GRIP1: variants seen among roughly 807,000 people sequenced by gnomAD.
GRIP1 encodes glutamate receptor-interacting protein 1.
In GRIP1, 45 loss-of-function variants were observed where a neutral mutation model predicts 129.9. The observed-to-expected ratio is 0.35, with a 90% confidence interval of 0.27 to 0.44. The LOEUF (loss-of-function observed/expected upper bound fraction) is 0.44. Among genes scored for constraint, GRIP1 ranks in the 20% least tolerant of loss-of-function variants. The pLI, the probability that GRIP1 is intolerant of heterozygous loss-of-function variation, is 1.00. For synonymous variants in GRIP1, 530 were observed against 520.8 expected (o/e 1.02, Z -0.24); for missense variants, 1,196 against 1,396.8 (o/e 0.86, Z 2.29).
intron 1 of GRIP1, among the ~76,000 whole-genome samples, chr12:66,660,977 T>C (rs910733774): frequency 6.6e-6 from 1 of 152,058 alleles, no homozygotes; most frequent in African/African-American, 2.4e-5. Flanking sequence ...CTTTCTAGGA[T>C]ATAAATAGTT....
upstream of GRIP1, among the ~76,000 whole-genome samples, chr12:66,808,272 T>C (rs1430917738): frequency 6.6e-6 from 1 of 152,036 alleles, no homozygotes; most frequent in Admixed American, 6.6e-5. Flanking sequence ...CTCACATGAA[T>C]GTTTGTGGTT....
chr12:67,060,512 A>T (rs1356150583), intron 1 of GRIP1, among the ~76,000 whole-genome samples: 1 of 152,198 alleles, frequency 6.6e-6, no homozygotes, highest in East Asian at 1.9e-4. Context: ...TACATATTTA[A>T]GTAGTATAAT....
At chr12:66,880,125 C>G (rs2040450908) in intron 1 of GRIP1, among the ~76,000 whole-genome samples, 1 of 151,998 alleles carries the variant, frequency 6.6e-6, no homozygotes. Context: ...TGAGGTTCAG[C>G]AGAGGTCAGC....
At chr12:66,682,711 T>C (rs920274939), upstream of GRIP1, among the ~76,000 whole-genome samples, 4 of 152,144 alleles carry the variant, frequency 2.6e-5, no homozygotes, top group African/African-American at 7.2e-5. Context: ...CAAGAAAGAA[T>C]CATCATAAAC....
chr12:66,980,002 A>G (rs948933068), intron 1 of GRIP1, among the ~76,000 whole-genome samples: 1 of 152,176 alleles, frequency 6.6e-6, no homozygotes, highest in Non-Finnish European at 1.5e-5. Flanking sequence ...GTATAGCCCT[A>G]GGAAGCAAAT....
rs74985128 is a variant in GRIP1, at chr12:66,648,670, C to T, written c.55+30180G>A. On this transcript the variant is annotated intron_variant, in intron 1 of 24. Transcript: ENST00000359742. ...AATCAGAGAATGGCTGAATGCACAG[C>T]GAGCAAGAAGTTGATGACAGAGTCG... Among the ~76,000 whole-genome samples the T allele has an allele frequency of 7.9e-5, 12 of 152,246 alleles. No individual in the cohort carries two copies. The East Asian group carries it at 1.9e-3, about 24-fold the overall frequency.
intron 1 of GRIP1, among the ~76,000 whole-genome samples, chr12:66,896,702 A>C (rs2040755443): frequency 6.6e-6 from 1 of 152,220 alleles, no homozygotes; most frequent in Non-Finnish European, 1.5e-5. Context: ...ATACTGCTGC[A>C]AAGAACAGCT....
intron 1 of GRIP1, among the ~76,000 whole-genome samples, chr12:66,759,678 T>C (rs2037409018): frequency 6.6e-6 from 1 of 152,180 alleles, no homozygotes; most frequent in African/African-American, 2.4e-5. Context: ...TTCTGCCAGA[T>C]ACCCTAAATC....
At chr12:66,813,603 A>G (rs2039147211) in intron 1 of GRIP1, among the ~76,000 whole-genome samples, 1 of 152,176 alleles carries the variant, frequency 6.6e-6, no homozygotes, top group Non-Finnish European at 1.5e-5. Flanking sequence ...TTGAGCAAAG[A>G]CCTAAAAAAT....
intron 1 of GRIP1, among the ~76,000 whole-genome samples, chr12:66,991,280 A>C (rs2042391150): frequency 6.6e-6 from 1 of 152,214 alleles, no homozygotes. Context: ...CTCAAAAAAA[A>C]AGGACAAACT....
At chr12:66,601,065 C>G (rs1008024961) in intron 1 of GRIP1, among the ~76,000 whole-genome samples, 12 of 152,150 alleles carry the variant, frequency 7.9e-5, no homozygotes, top group Non-Finnish European at 1.8e-4. Context: ...CCTCCATTAA[C>G]AGGGAGAATT....
At chr12:66,471,130 C>A (rs1299271745) in intron 7 of GRIP1, among the ~76,000 whole-genome samples, 1 of 152,192 alleles carries the variant, frequency 6.6e-6, no homozygotes, top group Non-Finnish European at 1.5e-5. Flanking sequence ...AGAAGGGTGG[C>A]AAGTGGCTCT....
At chr12:66,953,387 A>T (rs1330416443) in intron 1 of GRIP1, among the ~76,000 whole-genome samples, 3 of 152,206 alleles carry the variant, frequency 2.0e-5, no homozygotes, top group South Asian at 2.1e-4. Flanking sequence ...CCAGGCACAG[A>T]GGCAGCACCC....
rs773120379 is a variant in GRIP1, at chr12:66,463,107, A to T, written c.873-14T>A. 1 of 1,611,566 alleles carries T rather than the reference A, an allele frequency of 6.2e-7. No individual in the cohort carries two copies. Among genetic ancestry groups the T allele is most frequent in the Non-Finnish European group, 8.5e-7 (1 of 1,177,812 alleles). ...AATGCGCCACATCTACGGAAAGGAG[A>T]AATACTCGGTAAGAGGCAGTGCCTT... On this transcript the variant is annotated splice_polypyrimidine_tract_variant and intron_variant, in intron 8 of 24. Coordinates refer to ENST00000359742, the MANE Select transcript of GRIP1 (RefSeq NM_001366722.1).
At chr12:66,631,818 A>G (rs994225991) in intron 1 of GRIP1, among the ~76,000 whole-genome samples, 2 of 152,222 alleles carry the variant, frequency 1.3e-5, no homozygotes, top group African/African-American at 4.8e-5. Context: ...TTTTAACGTG[A>G]CAGAACTAGA....
chr12:66,405,074 TA>T (rs1203573432), intron 16 of GRIP1, among the ~76,000 whole-genome samples: 3 of 152,110 alleles, frequency 2.0e-5, no homozygotes, highest in African/African-American at 7.2e-5. Flanking sequence ...GTTAATTACC[TA>T]ATGGAAAAAC....
At chr12:66,764,308 C>T (rs1263251617) in intron 1 of GRIP1, among the ~76,000 whole-genome samples, 1 of 152,142 alleles carries the variant, frequency 6.6e-6, no homozygotes, top group Admixed American at 6.5e-5. Flanking sequence ...TAGGCTACAG[C>T]CATCTATTAA....
At chr12:67,022,423 A>ATAAAAATTT (rs1360652184) in intron 1 of GRIP1, among the ~76,000 whole-genome samples, 2 of 152,204 alleles carry the variant, frequency 1.3e-5, no homozygotes, top group African/African-American at 2.4e-5. Flanking sequence ...TTTTATGTAC[A>ATAAAAATTT]CATGCTTTTA....
At chr12:66,773,250 G>A (rs1293564702) in intron 1 of GRIP1, among the ~76,000 whole-genome samples, 1 of 152,176 alleles carries the variant, frequency 6.6e-6, no homozygotes, top group Non-Finnish European at 1.5e-5. Context: ...GGGCATTTGG[G>A]TTGGTTCCAA....
Sources: gnomAD v4.1 joint callset for allele counts (sites outside exome capture counted in the v4.1 genomes callset) on GRCh38, gnomAD v4.1.1 for gene constraint, MANE v1.5 for transcripts, NCBI Gene and HGNC (gene_info 2026-07-23, HGNC 2026-07-21) for gene names.